The following HLCS variants were observed in gnomAD, a reference collection of about 807,000 sequenced individuals.
The protein encoded by HLCS is holocarboxylase synthetase.
A neutral mutation model predicts 75.0 loss-of-function variants in HLCS; 53 were observed. The ratio of observed to expected loss-of-function variants is 0.71; its 90% CI spans 0.57 to 0.89. HLCS has a LOEUF of 0.89. Ranked by LOEUF, HLCS falls within the 40% of genes least tolerant of loss-of-function variation. The probability of loss-of-function intolerance (pLI) is 0.00; values close to 1 mark genes in which losing one functional copy is unlikely to be tolerated. For missense variants in HLCS, 966 were observed against 1,074.0 expected (o/e 0.90, Z 1.41); for synonymous variants, 431 against 428.6 (o/e 1.01, Z -0.07).
intron 5 of HLCS, among the ~76,000 whole-genome samples, chr21:36,902,172 C>A (rs996992204): frequency 6.6e-6 from 1 of 152,094 alleles, no homozygotes. Context: ...ACTGCAGACT[C>A]CAGGATAAAA....
chr21:36,910,471 C>T (rs1276554645), intron 5 of HLCS, among the ~76,000 whole-genome samples: 4 of 151,282 alleles, frequency 2.6e-5, no homozygotes, highest in Middle Eastern at 3.2e-3. Flanking sequence ...GCTTGAACTC[C>T]GGAGGTGGAG....
chr21:36,759,282 C>G (rs1267691149), intron 9 of HLCS: 1 of 456,710 alleles, frequency 2.2e-6, no homozygotes, highest in Non-Finnish European at 4.5e-6. Context: ...TTCTTTACCC[C>G]GCCTTGACCA....
chr21:36,870,860 G>GC (rs2063744376), intron 6 of HLCS, among the ~76,000 whole-genome samples: 1 of 152,144 alleles, frequency 6.6e-6, no homozygotes, highest in Non-Finnish European at 1.5e-5. Context: ...TTGGAAAATG[G>GC]CATCTAAGAA....
chr21:36,845,652 C>T (rs1029167053), intron 6 of HLCS, among the ~76,000 whole-genome samples: 2 of 152,190 alleles, frequency 1.3e-5, no homozygotes, highest in East Asian at 3.9e-4. Flanking sequence ...AGTGGTGGAG[C>T]GGGACTTAGA....
chr21:36,940,183 CT>C (rs1245932294), intron 2 of HLCS, among the ~76,000 whole-genome samples: 1 of 152,194 alleles, frequency 6.6e-6, no homozygotes, highest in Non-Finnish European at 1.5e-5. Flanking sequence ...CTTTTATTAG[CT>C]GTCACAAATG....
rs1157820727 is a variant in HLCS at position 36,752,639 on chromosome 21, T to G, written c.*1607A>C. ...GCATTTGGAGAAGAGTGGTTTTTTT[T>G]GTGTTTTTTGTTTGTTTGTTTTTTG... is the stretch of plus-strand genomic sequence containing the variant. On this transcript the variant is annotated 3_prime_UTR_variant, in exon 11 of 11. Coordinates refer to ENST00000674895, the MANE Select transcript of HLCS (RefSeq NM_001352514.2). 6.6e-6 allele frequency: 1 copy of G among 152,564 alleles called. No homozygotes were observed. Among genetic ancestry groups the G allele is most frequent in the Non-Finnish European group, 1.5e-5 (1 of 68,040 alleles). The allele number at this position is 152,564 out of a possible 1,614,324, so 9.5% of individuals were successfully genotyped here. A position where few individuals can be genotyped will look rare whatever the true frequency, so the allele number is the denominator to read the frequency against.
At chr21:36,967,823 G>A (rs561816782), upstream of HLCS, among the ~76,000 whole-genome samples, 271 of 151,214 alleles carry the variant, frequency 1.8e-3, 1 homozygote, top group Non-Finnish European at 3.2e-3. Flanking sequence ...GGGTTCAAGC[G>A]ATTCTCCTGC....
chr21:36,804,539 GC>G (rs548110543), intron 6 of HLCS, among the ~76,000 whole-genome samples: 51 of 152,220 alleles, frequency 3.4e-4, no homozygotes, highest in Non-Finnish European at 6.0e-4. Context: ...AAATGCCACA[GC>G]CCACCTGAAG....
chr21:36,826,122 C>A (rs1456647998), intron 6 of HLCS, among the ~76,000 whole-genome samples: 2 of 152,124 alleles, frequency 1.3e-5, no homozygotes, highest in African/African-American at 4.8e-5. Context: ...GATGGGAAAT[C>A]TATCAAAATC....
chr21:36,936,611 G>T lies in HLCS; in HGVS notation c.1275C>A (p.Ser425Arg). Residue 425 changes from serine to arginine, a missense_variant, in exon 4 of 11, where the codon AGC (serine) becomes AGA (arginine). Coordinates refer to ENST00000674895, the MANE Select transcript of HLCS (RefSeq NM_001352514.2). ...QNLVFSKADQSEVKLSVLSSG... is the reference protein window; with the variant it reads ...QNLVFSKADQREVKLSVLSSG... Reference sequence around the variant, plus strand: ...TGCTCAAGACGCTGAGCTTCACCTCGCTCTGGTCAGCCTTGGAGAAAACCA... The same window carrying T: ...TGCTCAAGACGCTGAGCTTCACCTCTCTCTGGTCAGCCTTGGAGAAAACCA... The T allele has an allele frequency of 1.2e-6, 2 of 1,614,090 alleles. No homozygotes were observed. Among genetic ancestry groups the T allele is most frequent in the Non-Finnish European group, 8.5e-7 (1 of 1,179,998 alleles).
chr21:36,788,870 C>T (rs749058923), intron 6 of HLCS, among the ~76,000 whole-genome samples: 13 of 151,930 alleles, frequency 8.6e-5, no homozygotes, highest in East Asian at 1.9e-4. Flanking sequence ...CACTTTTTTG[C>T]GGGGGAAGGG....
intron 6 of HLCS, among the ~76,000 whole-genome samples, chr21:36,866,178 T>TG (rs2063548711): frequency 1.3e-5 from 2 of 152,084 alleles, no homozygotes; most frequent in African/African-American, 4.8e-5. Flanking sequence ...ACCAAAGTAA[T>TG]ATACATGTAT....
intron 6 of HLCS, among the ~76,000 whole-genome samples, chr21:36,775,261 G>T (rs913456512): frequency 6.6e-6 from 1 of 152,170 alleles, no homozygotes; most frequent in Non-Finnish European, 1.5e-5. Flanking sequence ...ATCATTTCAT[G>T]GCTCCCAAGG....
intron 6 of HLCS, among the ~76,000 whole-genome samples, chr21:36,844,687 A>T (rs1342812593): frequency 6.6e-6 from 1 of 150,454 alleles, no homozygotes; most frequent in Non-Finnish European, 1.5e-5. Context: ...ATGGAGAACG[A>T]CTATCTTTTT....
chr21:36,919,539 T>G (rs1020321433), intron 5 of HLCS, among the ~76,000 whole-genome samples: 1 of 152,210 alleles, frequency 6.6e-6, no homozygotes, highest in Non-Finnish European at 1.5e-5. Context: ...ATAAGACGGT[T>G]TCCCATGGTT....
chr21:36,866,475 A>C (rs2063559909), intron 6 of HLCS, among the ~76,000 whole-genome samples: 1 of 152,226 alleles, frequency 6.6e-6, no homozygotes, highest in Non-Finnish European at 1.5e-5. Context: ...GATTTCTGCA[A>C]GTTCAAACTT....
intron 1 of HLCS, among the ~76,000 whole-genome samples, chr21:36,965,957 C>T (rs563072135): frequency 6.6e-6 from 1 of 152,082 alleles, no homozygotes; most frequent in South Asian, 2.1e-4. Flanking sequence ...AGGGGTCTAG[C>T]TATGTTGCCC....
chr21:36,900,494 C>T (rs949491338), intron 5 of HLCS, among the ~76,000 whole-genome samples: 2 of 152,082 alleles, frequency 1.3e-5, no homozygotes, highest in African/African-American at 4.8e-5. Flanking sequence ...CCGTCCACAT[C>T]GCGGAGGGCC....
At chr21:36,873,676 G>A (rs1346736755) in intron 6 of HLCS, among the ~76,000 whole-genome samples, 2 of 152,198 alleles carry the variant, frequency 1.3e-5, no homozygotes, top group East Asian at 3.9e-4. Context: ...AAGTGCAGTG[G>A]TGCAATCATA....
Sources: allele counts gnomAD v4.1 joint callset (sites outside exome capture counted in the v4.1 genomes callset), GRCh38; gene constraint gnomAD v4.1.1; transcripts MANE v1.5; gene names NCBI Gene and HGNC (gene_info 2026-07-23, HGNC 2026-07-21).